Variants in SCAPER observed in about 807,000 individuals in gnomAD.
SCAPER encodes the protein S-phase cyclin A associated protein in the ER.
Under a neutral mutation model 182.2 loss-of-function variants are expected in SCAPER, and 98 were observed. The ratio of observed to expected loss-of-function variants is 0.54; its 90% CI spans 0.46 to 0.64. The LOEUF is 0.64. SCAPER is among the 30% of genes least tolerant of loss of function. The pLI, the probability that SCAPER is intolerant of heterozygous loss-of-function variation, is 0.00. For missense variants in SCAPER, 1,432 were observed against 1,690.0 expected, an observed-to-expected ratio of 0.85 and a Z score of 2.68; for synonymous variants, 605 against 564.6, an observed-to-expected ratio of 1.07 and a Z score of -1.01.
chr15:76,442,646 T>C (rs995189990), intron 25 of SCAPER, among the ~76,000 whole-genome samples: 2 of 152,240 alleles, frequency 1.3e-5, no homozygotes, highest in Non-Finnish European at 2.9e-5. Flanking sequence ...TAAATGTTTA[T>C]AGCTACCCTC....
At chr15:76,668,942 GA>G (rs1296964227) in intron 20 of SCAPER, among the ~76,000 whole-genome samples, 2 of 152,156 alleles carry the variant, frequency 1.3e-5, no homozygotes, top group East Asian at 3.9e-4. Context: ...ACGATACTTA[GA>G]AAAAACTTAG....
chr15:76,607,066 T>C (rs1324062935), intron 22 of SCAPER, among the ~76,000 whole-genome samples: 1 of 152,228 alleles, frequency 6.6e-6, no homozygotes, highest in Non-Finnish European at 1.5e-5. Flanking sequence ...ATTATGATGT[T>C]AGCTGGTTAT....
chr15:76,358,795 ATT>A, intron 29 of SCAPER, among the ~76,000 whole-genome samples: 1 of 152,346 alleles, frequency 6.6e-6, no homozygotes, highest in South Asian at 2.1e-4. Context: ...CTCAGCCGGA[ATT>A]ATGTTCCATT....
Position 76,428,895 on chromosome 15 carries a change from A to ATATATATATATATATATATATATATATAT in SCAPER, c.3311+5182_3311+5183insATATATATATATATATATATATATATATA, listed in dbSNP as rs1432164273. 8.9e-5 allele frequency among the ~76,000 whole-genome samples: 4 copies of ATATATATATATATATATATATATATATAT among 44,886 alleles called. 1 individual carries two copies. Among genetic ancestry groups the ATATATATATATATATATATATATATATAT allele is most frequent in the African/African-American group, 2.9e-4 (3 of 10,368 alleles). 29.4% of individuals were successfully genotyped at this position (44,886 alleles called of 152,430 possible). ...ATATATATATATATATATATATATA[A>ATATATATATATATATATATATATATATAT]ACATCAAAATGTACTCAGTAAGTTT... On this transcript the variant is annotated intron_variant, in intron 26 of 31. Transcript: ENST00000563290.
At chr15:76,366,078 TACACACTTACACACACAC>T (rs1566999235) in intron 29 of SCAPER, among the ~76,000 whole-genome samples, 1 of 121,096 alleles carries the variant, frequency 8.3e-6, no homozygotes, top group African/African-American at 3.4e-5. Flanking sequence ...ACTGATTACT[TACACACTTACACACACAC>T]ACACACACAC....
intron 29 of SCAPER, 73 bp downstream of exon 29, chr15:76,376,089 C>A: frequency 6.4e-7 from 1 of 1,572,516 alleles, no homozygotes; most frequent in Non-Finnish European, 8.6e-7. Flanking sequence ...CGCTAGCCTG[C>A]CTTTTCTCAT....
chr15:76,520,102 T>A (rs879569788), intron 23 of SCAPER, among the ~76,000 whole-genome samples: 5 of 152,248 alleles, frequency 3.3e-5, no homozygotes, highest in African/African-American at 7.2e-5. Context: ...TTGTGTTTAG[T>A]CTTCCTACTA....
intron 22 of SCAPER, among the ~76,000 whole-genome samples, chr15:76,579,247 C>A (rs1255519492): frequency 2.0e-5 from 2 of 99,436 alleles, no homozygotes; most frequent in Non-Finnish European, 3.5e-5. Flanking sequence ...GCCTGGGTGA[C>A]AGAGCGAGAC....
chr15:76,715,201 T>C (rs1174348450), intron 17 of SCAPER, among the ~76,000 whole-genome samples: 3 of 149,994 alleles, frequency 2.0e-5, no homozygotes, highest in Non-Finnish European at 4.4e-5. Context: ...ATACTACTGG[T>C]GAGACAGCAC....
chr15:76,414,965 T>A (rs1305960352), intron 26 of SCAPER, among the ~76,000 whole-genome samples: 2 of 152,326 alleles, frequency 1.3e-5, no homozygotes, highest in East Asian at 1.9e-4. Flanking sequence ...CTGTTTTATA[T>A]CCTTTTCTGC....
At chr15:76,649,323 AG>A (rs1212473795) in intron 21 of SCAPER, among the ~76,000 whole-genome samples, 1 of 152,042 alleles carries the variant, frequency 6.6e-6, no homozygotes, top group East Asian at 1.9e-4. Context: ...CCAGCCACTC[AG>A]GAGGCTGGGA....
intron 20 of SCAPER, among the ~76,000 whole-genome samples, chr15:76,691,295 C>T (rs950515886): frequency 1.3e-5 from 2 of 151,850 alleles, no homozygotes; most frequent in African/African-American, 4.8e-5. Context: ...AAACCGTAAA[C>T]TTTACTCAAT....
chr15:76,718,707 A>T lies in SCAPER; in HGVS notation c.2165+9888T>A, dbSNP rs1183355081. ...TATATATTTAAAAAAACCTCATACA[A>T]CTCAATAGTAGAAAAACAAACTGAT... On this transcript the variant is annotated intron_variant, in intron 17 of 31. Transcript: ENST00000563290. Among the ~76,000 whole-genome samples the T allele has an allele frequency of 2.6e-5, 4 of 151,924 alleles. No homozygotes were observed. The East Asian group carries it at 7.7e-4, about 29-fold the overall frequency.
chr15:76,424,827 G>A (rs373196860), intron 26 of SCAPER, among the ~76,000 whole-genome samples: 11 of 152,228 alleles, frequency 7.2e-5, no homozygotes, highest in South Asian at 6.2e-4. Context: ...TGACAAAATC[G>A]CTCAGCATTT....
chr15:76,665,792 G>A lies in SCAPER; in HGVS notation c.2509-3C>T. 1 of 1,500,498 alleles carries A rather than the reference G, an allele frequency of 6.7e-7. No homozygotes were observed. Among genetic ancestry groups the A allele is most frequent in the Non-Finnish European group, 8.9e-7 (1 of 1,128,142 alleles). 92.9% of individuals were successfully genotyped at this position (1,500,498 alleles called of 1,614,324 possible). On this transcript the variant is annotated splice_polypyrimidine_tract_variant and splice_region_variant and intron_variant, in intron 20 of 31. Transcript: ENST00000563290. The stretch of plus-strand genomic sequence containing the variant: ...TACTTCTTCAAGGAAAGATGCTCCT[G>A]CAAGATAAATAAATAAAATAATAAT...
Position 76,376,163 on chromosome 15 carries a change from T to A in SCAPER, c.3854A>T (p.Gln1285Leu), listed in dbSNP as rs373336878. ...GYFTVNHPDN[Q>L]VIVQSGRHPT... ...AAGGAACTTTCCAGGGCCTCTTACCTGGTTATCTGGGTGGTTGACAGTGAA... is the reference window on the plus strand; with the variant it reads ...AAGGAACTTTCCAGGGCCTCTTACCAGGTTATCTGGGTGGTTGACAGTGAA... Residue 1285 changes from glutamine to leucine, a missense_variant and splice_region_variant, in exon 29 of 32, where the codon CAG becomes CTG. By Grantham distance (113) the Gln-to-Leu change is moderately radical (BLOSUM62 -2). Coordinates refer to ENST00000563290, the MANE Select transcript of SCAPER (RefSeq NM_020843.4). 17 of 1,613,876 alleles carry A rather than the reference T, an allele frequency of 1.1e-5. No homozygotes were observed. Among genetic ancestry groups the A allele is most frequent in the Non-Finnish European group, 1.4e-5 (16 of 1,179,812 alleles).
chr15:76,512,897 A>G (rs994098793), intron 23 of SCAPER, among the ~76,000 whole-genome samples: 3 of 151,846 alleles, frequency 2.0e-5, no homozygotes, highest in Admixed American at 2.0e-4. Context: ...AAGCAAAATC[A>G]ACTGTGAAAT....
chr15:76,389,131 G>A (rs915314915), intron 27 of SCAPER, among the ~76,000 whole-genome samples: 4 of 152,238 alleles, frequency 2.6e-5, no homozygotes, highest in African/African-American at 9.6e-5. Context: ...ATGGAGAGCT[G>A]AGGGTAAAAG....
rs2040826989 is a variant in SCAPER, at chr15:76,354,543, C to CA, written c.3856-404dup. On this transcript the variant is annotated intron_variant, in intron 29 of 31. Coordinates refer to ENST00000563290, the MANE Select transcript of SCAPER (RefSeq NM_020843.4). This position sits in a 1 kb window ranked among gnomAD's most constrained non-coding sequence, Gnocchi z 4.4. ...ACTCACAAGAAAGTAAGGCCCTGCC[C>CA]ACTGCAGTCTTCCCTTAGCTTAGCT... is the stretch of plus-strand genomic sequence containing the variant. 5.9e-6 allele frequency: 1 copy of CA among 168,810 alleles called. No individual in the cohort carries two copies. Among genetic ancestry groups the CA allele is most frequent in the Non-Finnish European group, 1.3e-5 (1 of 79,920 alleles). The allele number at this position is 168,810 out of a possible 1,614,324, so 10.5% of individuals were successfully genotyped here.
Sources: allele counts gnomAD v4.1 joint callset (sites outside exome capture counted in the v4.1 genomes callset), GRCh38; gene constraint gnomAD v4.1.1; non-coding constraint Gnocchi (gnomAD v3.1); transcripts MANE v1.5; gene names NCBI Gene and HGNC (gene_info 2026-07-23, HGNC 2026-07-21).